Variants in DDIAS observed in about 807,000 individuals in gnomAD.
The protein encoded by DDIAS is DNA damage-induced apoptosis suppressor protein.
In DDIAS, 14 loss-of-function variants were observed where a neutral mutation model predicts 15.7. That is an observed-to-expected ratio of 0.89 (90% CI 0.59 to 1.39). The LOEUF is 1.39. Among genes scored for constraint, DDIAS ranks in the 40% most tolerant of loss-of-function variants. DDIAS has a pLI of 0.00. For synonymous variants in DDIAS, 355 were observed against 395.9 expected (o/e 0.90, Z 1.23); for missense variants, 1,035 against 1,130.9 (o/e 0.92, Z 1.22).
chr11:82,927,569 A>G (rs1860888212), intron 3 of DDIAS, among the ~76,000 whole-genome samples: 1 of 152,206 alleles, frequency 6.6e-6, no homozygotes, highest in Non-Finnish European at 1.5e-5. Context: ...CAATCTGAAG[A>G]AAAAACAAAA....
At position 82,932,093 on chromosome 11, in the gene DDIAS, TA is replaced by T. The variant is rs1861002146; in HGVS notation, c.757del (p.Thr253GlnfsTer70). On this transcript the variant is annotated frameshift_variant, in exon 6 of 6. Coordinates refer to ENST00000533655, the MANE Select transcript of DDIAS (RefSeq NM_145018.4). LOFTEE classifies it low-confidence loss of function (END_TRUNC). ...SLEFTCIVSQ[L>X]TDNDDFSASE... is the part of the protein sequence containing the mutation. ...GAATTCACTTGCATTGTTTCACAAC[TA>T]ACAGATAATGATGATTTTTCAGCTT... The T allele has an allele frequency of 6.2e-7, 1 of 1,614,014 alleles. No individual in the cohort carries two copies. Among genetic ancestry groups the T allele is most frequent in the Non-Finnish European group, 8.5e-7 (1 of 1,180,004 alleles).
rs982636351 is a variant in DDIAS at position 82,932,346 on chromosome 11, C to G, written c.1008C>G (p.Asp336Glu). The G allele has an allele frequency of 6.2e-7, 1 of 1,614,000 alleles. No homozygotes were observed. Among genetic ancestry groups the G allele is most frequent in the African/African-American group, 1.3e-5 (1 of 75,040 alleles). ...HSSHHEIGVN[D>E]SNLFSLEMRE... ...GTCATCATGAAATTGGAGTTAATGA[C>G]TCTAATTTATTCTCTTTGGAAATGC... The change falls in exon 6 of 6, where the codon GAC (aspartate) becomes GAG (glutamate). Residue 336 changes from aspartate to glutamate, a missense_variant. Coordinates refer to ENST00000533655, the MANE Select transcript of DDIAS (RefSeq NM_145018.4).
At chr11:82,908,659 C>A (rs145464426) in intron 1 of DDIAS, among the ~76,000 whole-genome samples, 104 of 152,266 alleles carry the variant, frequency 6.8e-4, no homozygotes, top group African/African-American at 2.4e-3. Context: ...CTCACCAAAT[C>A]AAAACTACAT....
chr11:82,903,348 G>T (rs1027785401), intron 1 of DDIAS, among the ~76,000 whole-genome samples: 1 of 152,148 alleles, frequency 6.6e-6, no homozygotes, highest in Admixed American at 6.5e-5. Context: ...GTGTGATGTG[G>T]GATATGAAGG....
chr11:82,902,251 G>A (rs1860331468), intron 1 of DDIAS, among the ~76,000 whole-genome samples: 1 of 152,202 alleles, frequency 6.6e-6, no homozygotes, highest in Admixed American at 6.5e-5. Flanking sequence ...ACCAGAGCTT[G>A]AAAGTTTTCT....
Position 82,914,802 on chromosome 11 carries a change from T to C in DDIAS, c.64T>C (p.Tyr22His), listed in dbSNP as rs1240274583. 1 of 1,611,088 alleles carries C rather than the reference T, an allele frequency of 6.2e-7. No homozygotes were observed. The highest frequency in any genetic ancestry group is 8.5e-7 in the Non-Finnish European group (1 of 1,177,602). Reference sequence around the variant, plus strand: ...TGCTCTCCAGAATTCAAGTTTTATATATCCATCATGTCAGAAGTGCTTCTC... The same window carrying C: ...TGCTCTCCAGAATTCAAGTTTTATACATCCATCATGTCAGAAGTGCTTCTC... ...VLALQNSSFI[Y>H]PSCQKCFSRI... The change falls in exon 3 of 6, where the codon TAT becomes CAT. Residue 22 changes from tyrosine to histidine, a missense_variant. Tyr to His is a moderately conservative substitution (Grantham distance 83). Coordinates refer to ENST00000533655, the MANE Select transcript of DDIAS (RefSeq NM_145018.4).
rs77526206 is a variant in DDIAS, at chr11:82,908,750, G to A, written c.-116-4537G>A. Among the ~76,000 whole-genome samples, 873 of 152,234 alleles carry A rather than the reference G, an allele frequency of 5.7e-3. 56 individuals are homozygous for A. The East Asian group carries it at 0.15, about 26-fold the overall frequency. ...TGCCAGTTTCAATTGTCATAACAAC[G>A]AACTTCGCTCTGCCTTTGATGCTTA... On this transcript the variant is annotated intron_variant, in intron 1 of 5. Transcript: ENST00000533655.
intron 1 of DDIAS, among the ~76,000 whole-genome samples, chr11:82,911,409 C>T (rs1254106043): frequency 6.6e-6 from 1 of 152,162 alleles, no homozygotes; most frequent in Non-Finnish European, 1.5e-5. Context: ...ATGTTCACAG[C>T]ATCCTCACCA....
At chr11:82,930,511 A>G (rs11828760) in intron 5 of DDIAS, among the ~76,000 whole-genome samples, 6,523 of 152,100 alleles carry the variant, frequency 0.043, 201 homozygotes, top group African/African-American at 0.084. Context: ...ATATAAATTT[A>G]TTATATATTT....
At chr11:82,915,849 A>T (rs1860622859) in intron 3 of DDIAS, among the ~76,000 whole-genome samples, 1 of 152,194 alleles carries the variant, frequency 6.6e-6, no homozygotes, top group South Asian at 2.1e-4. Flanking sequence ...TTTCATCAAA[A>T]TCTGTACTTA....
At chr11:82,908,548 A>G (rs990876833) in intron 1 of DDIAS, among the ~76,000 whole-genome samples, 3 of 152,244 alleles carry the variant, frequency 2.0e-5, no homozygotes, top group African/African-American at 7.2e-5. Flanking sequence ...TATGTTAACT[A>G]AAAGTTATAG....
In DDIAS at chr11:82,928,935, A is replaced by T. The variant is rs746436298; in HGVS notation, c.272A>T (p.His91Leu). 6.2e-7 allele frequency: 1 copy of T among 1,610,770 alleles called. No individual in the cohort carries two copies. Among genetic ancestry groups the T allele is most frequent in the South Asian group, 1.1e-5 (1 of 90,202 alleles). ...TFFGLTATGL[H>L]RYIQDPNKIP... Reference sequence around the variant, plus strand: ...TTTGGTCTTACTGCCACTGGTTTGCACAGGTAAGAATACTTAAAACATCCT... The same window carrying T: ...TTTGGTCTTACTGCCACTGGTTTGCTCAGGTAAGAATACTTAAAACATCCT... Residue 91 changes from histidine (H) to leucine (L), a missense_variant, in exon 4 of 6, where the codon CAC (histidine) becomes CTC (leucine). His to Leu is a moderately conservative substitution (Grantham distance 99). Coordinates refer to ENST00000533655, the MANE Select transcript of DDIAS (RefSeq NM_145018.4).
At chr11:82,926,048 C>T (rs1354643251) in intron 3 of DDIAS, among the ~76,000 whole-genome samples, 2 of 150,956 alleles carry the variant, frequency 1.3e-5, no homozygotes, top group Admixed American at 6.6e-5. Flanking sequence ...TTCAAATCAC[C>T]ATGTTGTATA....
rs561895114 is a variant in DDIAS, at chr11:82,920,293, T to C, written c.113+5442T>C. On this transcript the variant is annotated intron_variant, in intron 3 of 5. Transcript: ENST00000533655. ...TCTTCTTGGTTAATCTTGCTAACGG[T>C]CTATCAATTTTATTTATCTTTTCAA... 4.6e-5 allele frequency among the ~76,000 whole-genome samples: 7 copies of C among 152,304 alleles called. No individual in the cohort carries two copies. The South Asian group carries it at 1.5e-3, about 32-fold the overall frequency.
intron 3 of DDIAS, among the ~76,000 whole-genome samples, chr11:82,918,772 A>G (rs1039701130): frequency 6.6e-6 from 1 of 151,666 alleles, no homozygotes; most frequent in Non-Finnish European, 1.5e-5. Flanking sequence ...TTTTTCTTGT[A>G]GAGGTCTTTT....
At chr11:82,914,307 G>A in intron 2 of DDIAS, 1 of 190,570 alleles carries the variant, frequency 5.2e-6, no homozygotes, top group East Asian at 1.8e-4. Flanking sequence ...TTTGATTTGT[G>A]CCATCATGGT....
rs773293700 is a variant in DDIAS, at chr11:82,934,513, T to A, written c.*178T>A. On this transcript the variant is annotated 3_prime_UTR_variant, in exon 6 of 6. Coordinates refer to ENST00000533655, the MANE Select transcript of DDIAS (RefSeq NM_145018.4). Reference sequence around the variant, plus strand: ...AAAGCCATTGTTTTCCCCAGGGTTTTATCTAGAATACTATGATTAGGTAGT... The same window carrying A: ...AAAGCCATTGTTTTCCCCAGGGTTTAATCTAGAATACTATGATTAGGTAGT... 3 of 562,288 alleles carry A rather than the reference T, an allele frequency of 5.3e-6. No individual in the cohort carries two copies. The highest frequency in any genetic ancestry group is 8.9e-6 in the Non-Finnish European group (3 of 337,308). 34.8% of individuals were successfully genotyped at this position (562,288 alleles called of 1,614,324 possible). A position where few individuals can be genotyped will look rare whatever the true frequency, so the allele number is the denominator to read the frequency against.
At chr11:82,918,645 G>A (rs1458260280) in intron 3 of DDIAS, among the ~76,000 whole-genome samples, 1 of 152,182 alleles carries the variant, frequency 6.6e-6, no homozygotes, top group Non-Finnish European at 1.5e-5. Context: ...CACTGAATTT[G>A]TAGATTGCTT....
chr11:82,918,089 G>A (rs1279511491), intron 3 of DDIAS, among the ~76,000 whole-genome samples: 1 of 152,152 alleles, frequency 6.6e-6, no homozygotes, highest in Admixed American at 6.5e-5. Flanking sequence ...TGGGTTGTCT[G>A]TTCACTCTGC....
Sources: allele counts gnomAD v4.1 joint callset (sites outside exome capture counted in the v4.1 genomes callset), GRCh38; gene constraint gnomAD v4.1.1; transcripts MANE v1.5; gene names NCBI Gene and HGNC (gene_info 2026-07-23, HGNC 2026-07-21).